Variants in EYS observed in about 807,000 individuals in gnomAD.
EYS encodes the protein EGF-like photoreceptor maintenance factor.
In EYS, 250 loss-of-function variants were observed where a neutral mutation model predicts 282.1. The observed-to-expected ratio is 0.89, with a 90% CI of 0.80 to 0.98. The LOEUF (loss-of-function observed/expected upper bound fraction) is 0.98, where lower values mean the gene tolerates loss of function less well. EYS is among the 50% of genes least tolerant of loss of function. EYS has a pLI of 0.00. For missense variants in EYS, 4,016 were observed against 3,709.0 expected (o/e 1.08, Z -2.15); for synonymous variants, 1,355 against 1,282.9 (o/e 1.06, Z -1.20).
At chr6:64,710,148 G>A (rs930287234) in intron 22 of EYS, among the ~76,000 whole-genome samples, 3 of 152,136 alleles carry the variant, frequency 2.0e-5, no homozygotes, top group Non-Finnish European at 4.4e-5. Flanking sequence ...AATTCTCATT[G>A]TATAAATGAC....
chr6:65,358,651 G>A (rs1221949868), intron 8 of EYS, among the ~76,000 whole-genome samples: 3 of 147,032 alleles, frequency 2.0e-5, no homozygotes, highest in South Asian at 4.3e-4. Flanking sequence ...GGGAGAAGGG[G>A]GGATTTAGTT....
At chr6:63,840,078 C>T (rs1169055162) in intron 36 of EYS, among the ~76,000 whole-genome samples, 17 of 142,296 alleles carry the variant, frequency 1.2e-4, no homozygotes, top group Non-Finnish European at 2.0e-4. Context: ...GACGGAGTCT[C>T]GCTTTGTTGC....
intron 12 of EYS, among the ~76,000 whole-genome samples, chr6:65,124,733 C>A (rs747252131): frequency 6.6e-6 from 1 of 152,104 alleles, no homozygotes; most frequent in South Asian, 2.1e-4. Flanking sequence ...TAACACTGAC[C>A]TAGAACTTAA....
intron 26 of EYS, among the ~76,000 whole-genome samples, chr6:64,528,772 C>G (rs1380968127): frequency 6.6e-6 from 1 of 151,940 alleles, no homozygotes; most frequent in Non-Finnish European, 1.5e-5. Context: ...ATTTTGTCTT[C>G]TTCAGTCCAT....
intron 35 of EYS, among the ~76,000 whole-genome samples, chr6:63,874,573 A>ACT (rs1772912272): frequency 6.6e-6 from 1 of 152,164 alleles, no homozygotes; most frequent in African/African-American, 2.4e-5. Context: ...TTGAATCTAT[A>ACT]GATTACCTTG....
intron 35 of EYS, among the ~76,000 whole-genome samples, chr6:63,933,483 A>C (rs1023226687): frequency 1.4e-4 from 21 of 152,204 alleles, no homozygotes; most frequent in African/African-American, 5.1e-4. Context: ...CTGGGATTAC[A>C]GGTATGAGCC....
In EYS at chr6:64,556,474, G is replaced by T. The variant is rs561125008; in HGVS notation, c.5644+33749C>A. Among the ~76,000 whole-genome samples, 5 of 151,990 alleles carry T rather than the reference G, an allele frequency of 3.3e-5. No homozygotes were observed. In the East Asian group the frequency reaches 9.7e-4, roughly 29 times the overall value. On this transcript the variant is annotated intron_variant, in intron 26 of 42. Transcript: ENST00000503581. ...TATCAGTGGTTTCTGAGGGTCCAGA[G>T]TTTGAGTGGGGGTTATTGACTACAC...
intron 14 of EYS, among the ~76,000 whole-genome samples, chr6:64,982,818 C>A (rs1356641333): frequency 3.3e-5 from 5 of 151,010 alleles, no homozygotes; most frequent in African/African-American, 9.7e-5. Flanking sequence ...TTATGCTTAA[C>A]CTTAATAAAG....
intron 28 of EYS, among the ~76,000 whole-genome samples, chr6:64,392,284 C>T (rs964652554): frequency 4.0e-5 from 6 of 148,666 alleles, no homozygotes; most frequent in Non-Finnish European, 8.9e-5. Flanking sequence ...ACCTAATAGA[C>T]ATCTACAGAA....
intron 13 of EYS, among the ~76,000 whole-genome samples, chr6:65,047,670 T>G (rs193006217): frequency 2.0e-5 from 3 of 152,020 alleles, no homozygotes; most frequent in African/African-American, 7.2e-5. Flanking sequence ...TATGCACACA[T>G]TAGGATTACT....
intron 2 of EYS, among the ~76,000 whole-genome samples, chr6:65,597,297 T>G (rs62407720): frequency 6.6e-5 from 10 of 152,038 alleles, no homozygotes; most frequent in Non-Finnish European, 8.8e-5. Flanking sequence ...GAGATTTTTG[T>G]GAAGGCTAAA....
chr6:64,194,631 A>T (rs1197078273), intron 31 of EYS, among the ~76,000 whole-genome samples: 1 of 152,086 alleles, frequency 6.6e-6, no homozygotes, highest in East Asian at 1.9e-4. Flanking sequence ...GATCTGTATG[A>T]TATTAGGTTT....
chr6:63,949,563 C>A (rs1266351969), intron 35 of EYS, among the ~76,000 whole-genome samples: 2 of 152,020 alleles, frequency 1.3e-5, no homozygotes, highest in African/African-American at 4.8e-5. Context: ...CTCATTTATT[C>A]ATTCATTCAA....
At chr6:65,073,594 G>A (rs1361956063) in intron 12 of EYS, among the ~76,000 whole-genome samples, 2 of 150,624 alleles carry the variant, frequency 1.3e-5, no homozygotes, top group African/African-American at 2.4e-5. Context: ...GAAAATGAGG[G>A]CAATATATGA....
rs545866917 is a variant in EYS at position 65,437,762 on chromosome 6, C to A, written c.863-32395G>T. Among the ~76,000 whole-genome samples the A allele has an allele frequency of 2.3e-3, 354 of 152,152 alleles. 2 individuals are homozygous for A. Among genetic ancestry groups the A allele is most frequent in the South Asian group, 0.015 (72 of 4,824 alleles). ...TAGAGATTTTGATATCTCCTTTATG[C>A]AAACGTTTGATAAAACAGTCTCTGG... On this transcript the variant is annotated intron_variant, in intron 5 of 42. Coordinates refer to ENST00000503581, the MANE Select transcript of EYS (RefSeq NM_001142800.2).
chr6:63,959,294 A>G (rs1765956094), intron 35 of EYS, among the ~76,000 whole-genome samples: 2 of 152,220 alleles, frequency 1.3e-5, no homozygotes, highest in African/African-American at 4.8e-5. Flanking sequence ...GAGAAATGCA[A>G]ATTGAAACCA....
intron 22 of EYS, among the ~76,000 whole-genome samples, chr6:64,770,138 G>A (rs1331714004): frequency 1.3e-5 from 2 of 151,834 alleles, no homozygotes; most frequent in Admixed American, 6.6e-5. Context: ...TTATTAGCAA[G>A]GAGTAGGAAA....
intron 29 of EYS, among the ~76,000 whole-genome samples, chr6:64,350,977 T>TA (rs1244283826): frequency 6.6e-6 from 1 of 151,420 alleles, no homozygotes; most frequent in Non-Finnish European, 1.5e-5. Flanking sequence ...CTGCCATGTG[T>TA]AGAAGGATGT....
chr6:65,600,495 T>C (rs1310931996), intron 2 of EYS, among the ~76,000 whole-genome samples: 1 of 152,004 alleles, frequency 6.6e-6, no homozygotes, highest in Non-Finnish European at 1.5e-5. Context: ...TGACATCATC[T>C]TTATATTCCC....
Sources: allele counts gnomAD v4.1 joint callset (sites outside exome capture counted in the v4.1 genomes callset), GRCh38; gene constraint gnomAD v4.1.1; transcripts MANE v1.5; gene names NCBI Gene and HGNC (gene_info 2026-07-23, HGNC 2026-07-21).